The following SGTA variants were observed in gnomAD, a reference collection of about 807,000 sequenced individuals.
SGTA encodes the protein small glutamine rich tetratricopeptide repeat co-chaperone alpha.
In SGTA, 22 loss-of-function variants were observed where a neutral mutation model predicts 44.3. The observed-to-expected ratio is 0.50, with a 90% confidence interval of 0.36 to 0.71. The LOEUF is 0.71. Among genes scored for constraint, SGTA ranks in the 30% least tolerant of loss-of-function variants. The probability of loss-of-function intolerance (pLI) is 0.00; values close to 1 mark genes in which losing one functional copy is unlikely to be tolerated. For missense variants in SGTA, 341 were observed against 435.9 expected (o/e 0.78, Z 1.94); for synonymous variants, 174 against 177.6 (o/e 0.98, Z 0.16).
intron 1 of SGTA, among the ~76,000 whole-genome samples, chr19:2,779,610 C>T (rs1158626386): frequency 6.6e-6 from 1 of 152,182 alleles, no homozygotes. Context: ...GAGCCATGGC[C>T]GAGGCCTGGT....
intron 1 of SGTA, among the ~76,000 whole-genome samples, chr19:2,774,979 G>A (rs1915411435): frequency 6.6e-6 from 1 of 152,338 alleles, no homozygotes; most frequent in African/African-American, 2.4e-5. Flanking sequence ...GGCCAGGGAC[G>A]CTGCTCAGTG....
At chr19:2,757,592 G>A (rs371292094) in intron 10 of SGTA, 101 bp downstream of exon 10, 114 of 1,447,760 alleles carry the variant, frequency 7.9e-5, no homozygotes, top group African/African-American at 5.1e-4. Flanking sequence ...TGGGCCCTTC[G>A]GAGCAGGGGA....
chr19:2,762,270 T>C (rs1915017534), intron 7 of SGTA, among the ~76,000 whole-genome samples: 2 of 152,064 alleles, frequency 1.3e-5, no homozygotes, highest in African/African-American at 2.4e-5. Flanking sequence ...TCTGTGCCCC[T>C]CCCTCAGCCT....
At chr19:2,762,460 A>G (rs200818381) in intron 7 of SGTA, 46 bp downstream of exon 7, 3 of 1,552,748 alleles carry the variant, frequency 1.9e-6, no homozygotes, top group Non-Finnish European at 2.7e-6. Context: ...CCCCACCCAC[A>G]CAGTCAGCTC....
intron 7 of SGTA, among the ~76,000 whole-genome samples, chr19:2,762,104 C>A (rs1257206775): frequency 1.3e-5 from 2 of 152,276 alleles, no homozygotes; most frequent in Admixed American, 1.3e-4. Flanking sequence ...TCCCCCATCA[C>A]CCCAGGGCCA....
intron 1 of SGTA, among the ~76,000 whole-genome samples, chr19:2,779,030 G>A (rs1175084763): frequency 6.6e-6 from 1 of 152,134 alleles, no homozygotes; most frequent in African/African-American, 2.4e-5. Flanking sequence ...AGGGGGCTGA[G>A]CAGCACCCCT....
At chr19:2,774,698 T>C (rs541208840) in intron 1 of SGTA, among the ~76,000 whole-genome samples, 19 of 152,224 alleles carry the variant, frequency 1.2e-4, no homozygotes, top group Non-Finnish European at 2.4e-4. Context: ...CCATGAACAT[T>C]GGCAAACTCC....
At position 2,767,705 on chromosome 19, in the gene SGTA, C is replaced by T. The variant is rs1158676875; in HGVS notation, c.101-19G>A. ...ATGGCGACTGAAGCGGGGACAGAGG[C>T]GGTCCCATTCATTGCACGCAGCCCC... On this transcript the variant is annotated intron_variant, in intron 2 of 11. Coordinates refer to ENST00000221566, the MANE Select transcript of SGTA (RefSeq NM_003021.4). The surrounding 1 kb of genome is among the most constrained non-coding windows in gnomAD (Gnocchi z 7.3). The T allele has an allele frequency of 2.5e-6, 4 of 1,594,114 alleles. No individual in the cohort carries two copies. Among genetic ancestry groups the T allele is most frequent in the South Asian group, 1.1e-5 (1 of 90,688 alleles).
At position 2,761,311 on chromosome 19, in the gene SGTA, G is replaced by A; in HGVS notation, c.699+149C>T. ...AGGGGTGCTGCCAGCGCCCTGCGGT[G>A]CCCAGGACGACCCCACAGACAAGAC... is the stretch of plus-strand genomic sequence containing the variant. On this transcript the variant is annotated intron_variant, in intron 8 of 11. Coordinates refer to ENST00000221566, the MANE Select transcript of SGTA (RefSeq NM_003021.4). The surrounding 1 kb of genome is among the most constrained non-coding windows in gnomAD (Gnocchi z 5.7). 1 of 735,856 alleles carries A rather than the reference G, an allele frequency of 1.4e-6. No homozygotes were observed. The highest frequency in any genetic ancestry group is 2.3e-6 in the Non-Finnish European group (1 of 436,462). 45.6% of individuals were successfully genotyped at this position (735,856 alleles called of 1,614,324 possible).
intron 4 of SGTA, among the ~76,000 whole-genome samples, chr19:2,766,283 T>C (rs980805825): frequency 5.9e-5 from 9 of 151,986 alleles, no homozygotes; most frequent in African/African-American, 2.2e-4. Context: ...TCTCCCTGAG[T>C]GTGATGTCTT....
At chr19:2,782,130 G>A (rs1915589303) in intron 1 of SGTA, among the ~76,000 whole-genome samples, 1 of 152,164 alleles carries the variant, frequency 6.6e-6, no homozygotes, top group Non-Finnish European at 1.5e-5. Flanking sequence ...TTTAAAGCTG[G>A]ATCATTTTCT....
rs1915120720 is a variant in SGTA, at chr19:2,765,747, G to C, written c.293-462C>G. 6.6e-6 allele frequency among the ~76,000 whole-genome samples: 1 copy of C among 152,164 alleles called. No individual in the cohort carries two copies. Among genetic ancestry groups the C allele is most frequent in the South Asian group, 2.1e-4 (1 of 4,828 alleles). On this transcript the variant is annotated intron_variant, in intron 4 of 11. Coordinates refer to ENST00000221566, the MANE Select transcript of SGTA (RefSeq NM_003021.4). This position sits in a 1 kb window ranked among gnomAD's most constrained non-coding sequence, Gnocchi z 5.5. ...GCTTCTATCTGAGGCATGGGTCCCA[G>C]CTGGTAGGACGGTAAAAACCCCAGC...
In SGTA at chr19:2,765,435, C is replaced by T. The variant is rs1264933613; in HGVS notation, c.293-150G>A. ...GGCAGCCAGGACTCAACACAGATGC[C>T]GGCTCAGGAGGCATCTGCATCTATA... On this transcript the variant is annotated intron_variant, in intron 4 of 11. Transcript: ENST00000221566. The surrounding 1 kb of genome is among the most constrained non-coding windows in gnomAD (Gnocchi z 5.5). The T allele has an allele frequency of 7.9e-6, 5 of 631,356 alleles. No individual in the cohort carries two copies. Among genetic ancestry groups the T allele is most frequent in the East Asian group, 2.8e-5 (1 of 36,270 alleles). The allele number at this position is 631,356 out of a possible 1,614,324, so 39.1% of individuals were successfully genotyped here.
At chr19:2,778,327 C>T (rs2144742435) in intron 1 of SGTA, among the ~76,000 whole-genome samples, 1 of 152,286 alleles carries the variant, frequency 6.6e-6, no homozygotes, top group Non-Finnish European at 1.5e-5. Context: ...TTCCTTCTCT[C>T]TTAAACTGAG....
chr19:2,782,277 T>C (rs1915591731), intron 1 of SGTA, among the ~76,000 whole-genome samples: 1 of 152,012 alleles, frequency 6.6e-6, no homozygotes, highest in Non-Finnish European at 1.5e-5. Context: ...TTGTTCCTGG[T>C]TGAGAACCAC....
intron 4 of SGTA, among the ~76,000 whole-genome samples, chr19:2,766,037 TGAAAC>T (rs1915133199): frequency 6.6e-6 from 1 of 152,074 alleles, no homozygotes; most frequent in South Asian, 2.1e-4. Flanking sequence ...GCCAACACAG[TGAAAC>T]CTGTCTCTAC....
chr19:2,778,898 GTTTATTCT>G (rs1378508010), intron 1 of SGTA, among the ~76,000 whole-genome samples: 1 of 152,224 alleles, frequency 6.6e-6, no homozygotes, highest in Non-Finnish European at 1.5e-5. Flanking sequence ...CCAATCAGAA[GTTTATTCT>G]GCTGTCCAGT....
At chr19:2,757,309 C>T (rs751320902) in intron 11 of SGTA, 28 bp downstream of exon 11, 1 of 1,596,178 alleles carries the variant, frequency 6.3e-7, no homozygotes, top group South Asian at 1.1e-5. Flanking sequence ...TGCTGGCCAC[C>T]CCCCAGCCCC....
chr19:2,769,345 C>T (rs751913887), intron 1 of SGTA, among the ~76,000 whole-genome samples: 3 of 152,200 alleles, frequency 2.0e-5, no homozygotes, highest in African/African-American at 4.8e-5. Flanking sequence ...CTAGAGAACC[C>T]GCGTGCTCCC....
Sources: gnomAD v4.1 joint callset for allele counts (sites outside exome capture counted in the v4.1 genomes callset) on GRCh38, gnomAD v4.1.1 for gene constraint, Gnocchi (gnomAD v3.1) non-coding constraint, MANE v1.5 for transcripts, NCBI Gene and HGNC (gene_info 2026-07-23, HGNC 2026-07-21) for gene names.